Variants in ESCO1 observed in about 807,000 individuals in gnomAD.
ESCO1 encodes N-acetyltransferase ESCO1.
A neutral mutation model predicts 83.5 loss-of-function variants in ESCO1; 33 were observed. The observed-to-expected ratio is 0.40, with a 90% confidence interval of 0.30 to 0.53. The LOEUF (loss-of-function observed/expected upper bound fraction) is 0.53, where lower values mean the gene tolerates loss of function less well. Among genes scored for constraint, ESCO1 ranks in the 20% least tolerant of loss-of-function variants. The probability of loss-of-function intolerance (pLI) is 0.63; values close to 1 mark genes in which losing one functional copy is unlikely to be tolerated. For missense variants in ESCO1, 855 were observed against 968.0 expected (o/e 0.88, Z 1.55); for synonymous variants, 332 against 324.3 (o/e 1.02, Z -0.25).
rs1264951419 is a variant in ESCO1, at chr18:21,530,077, C to A, written c.*266G>T. ...TTTTCAGTCCACTATGAACAATTAT[C>A]TGCTGCATGTAAACATGTCTAAATA... On this transcript the variant is annotated 3_prime_UTR_variant, in exon 12 of 12. Coordinates refer to ENST00000269214, the MANE Select transcript of ESCO1 (RefSeq NM_052911.3). The A allele has an allele frequency of 3.5e-6, 1 of 285,434 alleles. No individual in the cohort carries two copies. Among genetic ancestry groups the A allele is most frequent in the African/African-American group, 2.2e-5 (1 of 46,026 alleles). The allele number at this position is 285,434 out of a possible 1,614,324, so 17.7% of individuals were successfully genotyped here.
intron 8 of ESCO1, among the ~76,000 whole-genome samples, chr18:21,556,386 T>G (rs2038112561): frequency 6.6e-6 from 1 of 152,222 alleles, no homozygotes; most frequent in African/African-American, 2.4e-5. Flanking sequence ...GTATACATAA[T>G]TAAATTATAT....
At chr18:21,551,266 C>G (rs900748520) in intron 8 of ESCO1, among the ~76,000 whole-genome samples, 1 of 151,846 alleles carries the variant, frequency 6.6e-6, no homozygotes, top group East Asian at 1.9e-4. Context: ...GTCAGGAGAT[C>G]GATACCATCC....
intron 4 of ESCO1, among the ~76,000 whole-genome samples, chr18:21,570,901 C>T (rs2038331340): frequency 6.6e-6 from 1 of 151,020 alleles, no homozygotes; most frequent in Non-Finnish European, 1.5e-5. Context: ...GGCGTGAACC[C>T]AGGAGGCGGA....
At chr18:21,569,004 T>C (rs2038301222) in intron 4 of ESCO1, among the ~76,000 whole-genome samples, 1 of 152,172 alleles carries the variant, frequency 6.6e-6, no homozygotes, top group Admixed American at 6.5e-5. Context: ...TTAAATCACA[T>C]ATGTGGCTCA....
chr18:21,574,154 C>T lies in ESCO1; in HGVS notation c.690G>A (p.Lys230=). ...GTTTCGTTTCGTCTCTTCTAGTAGT[C>T]TTCTGAGGACACTTTTCAGATCCTT... ...CTQGSEKCPQ[K]TTRRDETKPV... Residue 230 remains lysine, a synonymous_variant, in exon 4 of 12, where the codon AAG becomes AAA. Transcript: ENST00000269214. 2 of 1,613,848 alleles carry T rather than the reference C, an allele frequency of 1.2e-6. No individual in the cohort carries two copies. The highest frequency in any genetic ancestry group is 1.7e-6 in the Non-Finnish European group (2 of 1,179,996).
chr18:21,537,512 G>T (rs1474958181), intron 9 of ESCO1, among the ~76,000 whole-genome samples: 2 of 152,174 alleles, frequency 1.3e-5, no homozygotes, highest in African/African-American at 2.4e-5. Context: ...TCCAGCCTGG[G>T]TGACAGAGTG....
intron 8 of ESCO1, among the ~76,000 whole-genome samples, chr18:21,558,151 A>G (rs986677262): frequency 1.3e-5 from 2 of 151,618 alleles, no homozygotes; most frequent in Admixed American, 6.6e-5. Flanking sequence ...ACGCCCAGCT[A>G]ACTTTTTTTG....
At chr18:21,597,137 TGTTAA>T (rs1310370865) in intron 1 of ESCO1, 1 of 152,194 alleles carries the variant, frequency 6.6e-6, no homozygotes, top group Non-Finnish European at 1.5e-5. Context: ...AATTACCACT[TGTTAA>T]GTTTTGTTGC....
chr18:21,582,096 T>C (rs1468180461), intron 2 of ESCO1, among the ~76,000 whole-genome samples: 1 of 151,970 alleles, frequency 6.6e-6, no homozygotes, highest in African/African-American at 2.4e-5. Flanking sequence ...ATAAATTAAT[T>C]AGTTAATTAA....
intron 1 of ESCO1, among the ~76,000 whole-genome samples, chr18:21,597,422 G>A (rs1022946198): frequency 1.3e-5 from 2 of 151,690 alleles, no homozygotes; most frequent in Non-Finnish European, 2.9e-5. Context: ...CTATTTGGGA[G>A]GCTGAGGCAA....
At chr18:21,573,142 C>G (rs757941667) in intron 4 of ESCO1, among the ~76,000 whole-genome samples, 172 bp downstream of exon 4, 1 of 152,166 alleles carries the variant, frequency 6.6e-6, no homozygotes, top group Non-Finnish European at 1.5e-5. Flanking sequence ...TGTGAGACAT[C>G]TGAAGTTCTA....
intron 4 of ESCO1, among the ~76,000 whole-genome samples, chr18:21,570,595 C>T (rs1190541484): frequency 6.6e-6 from 1 of 152,140 alleles, no homozygotes; most frequent in Non-Finnish European, 1.5e-5. Context: ...TTTATATACA[C>T]ATAAAATCAC....
chr18:21,532,723 T>C (rs142656348), intron 10 of ESCO1, 63 bp from the exon 11 acceptor site: 1 of 1,510,276 alleles, frequency 6.6e-7, no homozygotes, highest in Non-Finnish European at 9.0e-7. Context: ...CTAATACTGA[T>C]CTGGTTGAGG....
intron 5 of ESCO1, 64 bp from the exon 6 acceptor site, chr18:21,566,270 T>A: frequency 7.0e-7 from 1 of 1,429,452 alleles, no homozygotes; most frequent in Non-Finnish European, 9.6e-7. Context: ...ATCTAATGGA[T>A]AAAATCATTA....
chr18:21,546,292 A>G (rs1325571392), intron 8 of ESCO1, among the ~76,000 whole-genome samples: 1 of 152,162 alleles, frequency 6.6e-6, no homozygotes, highest in Non-Finnish European at 1.5e-5. Context: ...GCTCACACCT[A>G]TAATCCATAC....
intron 2 of ESCO1, among the ~76,000 whole-genome samples, chr18:21,577,659 CAAAAA>C (rs60796995): frequency 2.9e-5 from 2 of 69,218 alleles, no homozygotes. Context: ...GACTCCGTCT[CAAAAA>C]AAAAAAAAAA....
intron 2 of ESCO1, among the ~76,000 whole-genome samples, chr18:21,578,879 A>G (rs1226376241): frequency 6.6e-6 from 1 of 150,776 alleles, no homozygotes; most frequent in African/African-American, 2.4e-5. Flanking sequence ...TTCTTCCCCC[A>G]AGATGTAGTC....
In ESCO1 at chr18:21,574,920, CTA is replaced by C. The variant is rs1161163194; in HGVS notation, c.-79_-78del. ...CCTGGTAGGCGTGAATGCTGACTAG[CTA>C]GTATTATTACTGAGGAGCAGGTCTG... On this transcript the variant is annotated 5_prime_UTR_variant, in exon 4 of 12. Transcript: ENST00000269214. The C allele has an allele frequency of 8.9e-7, 1 of 1,127,144 alleles. No homozygotes were observed. Among genetic ancestry groups the C allele is most frequent in the Non-Finnish European group, 1.2e-6 (1 of 812,070 alleles). 69.8% of individuals were successfully genotyped at this position (1,127,144 alleles called of 1,614,324 possible).
At chr18:21,557,167 AAT>A (rs1432889825) in intron 8 of ESCO1, among the ~76,000 whole-genome samples, 1 of 152,216 alleles carries the variant, frequency 6.6e-6, no homozygotes, top group Non-Finnish European at 1.5e-5. Context: ...ATGTTATTTA[AAT>A]TTTTATCATT....
Sources: allele counts gnomAD v4.1 joint callset (sites outside exome capture counted in the v4.1 genomes callset), GRCh38; gene constraint gnomAD v4.1.1; transcripts MANE v1.5; gene names NCBI Gene and HGNC (gene_info 2026-07-23, HGNC 2026-07-21).